The following IREB2 variants were observed in gnomAD, a reference collection of about 807,000 sequenced individuals.
IREB2 encodes the protein iron responsive element binding protein 2.
In IREB2, 39 loss-of-function variants were observed where a neutral mutation model predicts 118.8. The observed-to-expected ratio is 0.33, with a 90% CI of 0.25 to 0.43. The LOEUF is 0.43. IREB2 is among the 20% of genes least tolerant of loss of function. The pLI, the probability that IREB2 is intolerant of heterozygous loss-of-function variation, is 1.00. For missense variants in IREB2, 900 were observed against 1,147.3 expected, an observed-to-expected ratio of 0.78 and a Z score of 3.11; for synonymous variants, 372 against 392.2, an observed-to-expected ratio of 0.95 and a Z score of 0.61.
At position 78,488,728 on chromosome 15, in the gene IREB2, A is replaced by G. The variant is rs753394122; in HGVS notation, c.2033A>G (p.His678Arg). The change falls in exon 16 of 22, where the codon CAT (histidine) becomes CGT (arginine). Residue 678 changes from histidine to arginine, a missense_variant. Transcript: ENST00000258886. ...GAAGTTCATCGAGTAGAGGAAGAAC[A>G]TGTTATACTATCCATGTTTAAAGCA... ...REEVHRVEEE[H>R]VILSMFKALK... is the part of the protein sequence containing the mutation. 3.9e-5 allele frequency: 61 copies of G among 1,567,314 alleles called. No homozygotes were observed. The South Asian group carries it at 5.0e-4, about 13-fold the overall frequency.
chr15:78,482,892 C>T (rs142212106), intron 10 of IREB2, among the ~76,000 whole-genome samples: 1,648 of 152,136 alleles, frequency 0.011, 39 homozygotes, highest in African/African-American at 0.038. Context: ...GGACTACAGG[C>T]GCCCACCACC....
chr15:78,495,108 T>A (rs2051818790), intron 20 of IREB2, among the ~76,000 whole-genome samples: 1 of 152,314 alleles, frequency 6.6e-6, no homozygotes, highest in East Asian at 1.9e-4. Flanking sequence ...TTTTGCCATT[T>A]CATACTCACA....
At chr15:78,467,225 A>AAG (rs5813919) in intron 5 of IREB2, among the ~76,000 whole-genome samples, 1 of 151,390 alleles carries the variant, frequency 6.6e-6, no homozygotes, top group Non-Finnish European at 1.5e-5. Flanking sequence ...AAAAAAAAAA[A>AAG]GAGCCGTATG....
At chr15:78,473,639 C>T (rs990814810) in intron 8 of IREB2, 1 of 378,426 alleles carries the variant, frequency 2.6e-6, no homozygotes, top group Non-Finnish European at 4.8e-6. Flanking sequence ...GATACTATTA[C>T]TATTCTCATT....
intron 12 of IREB2, 37 bp from the exon 13 acceptor site, chr15:78,485,668 C>T: frequency 6.3e-7 from 1 of 1,598,090 alleles, no homozygotes; most frequent in Non-Finnish European, 8.5e-7. Context: ...GGGAAAGAAA[C>T]ATTGCCATAA....
chr15:78,441,624 T>G (rs1309267158), intron 2 of IREB2, among the ~76,000 whole-genome samples: 2 of 152,146 alleles, frequency 1.3e-5, no homozygotes, highest in Middle Eastern at 3.2e-3. Flanking sequence ...TTTCTCAAAT[T>G]TAAGGAATCA....
chr15:78,494,322 TG>T (rs1214348219), intron 20 of IREB2, 58 bp downstream of exon 20: 4 of 1,529,262 alleles, frequency 2.6e-6, no homozygotes, highest in African/African-American at 1.4e-5. Flanking sequence ...TGTTCCCTTT[TG>T]TCAGTAACAT....
chr15:78,485,552 A>G (rs78340017), intron 12 of IREB2, among the ~76,000 whole-genome samples, 153 bp from the exon 13 acceptor site: 2,022 of 152,376 alleles, frequency 0.013, 65 homozygotes, highest in African/African-American at 0.046. Context: ...AATGAAGCAA[A>G]TCAGTAGAAT....
At chr15:78,446,555 T>C (rs1054866565) in intron 2 of IREB2, among the ~76,000 whole-genome samples, 1 of 152,204 alleles carries the variant, frequency 6.6e-6, no homozygotes, top group African/African-American at 2.4e-5. Flanking sequence ...GTTCCACTCT[T>C]CTGCTTCCTC....
intron 18 of IREB2, 86 bp downstream of exon 18, chr15:78,490,847 C>G (rs2051739117): frequency 1.6e-6 from 2 of 1,231,302 alleles, no homozygotes; most frequent in Admixed American, 4.1e-5. Flanking sequence ...TCCTTTTTTC[C>G]AGTAAATACA....
intron 9 of IREB2, among the ~76,000 whole-genome samples, chr15:78,477,244 C>G (rs975847008): frequency 1.8e-4 from 27 of 152,108 alleles, no homozygotes; most frequent in African/African-American, 6.5e-4. Flanking sequence ...AACAAATTAT[C>G]CTAAAATTTA....
intron 18 of IREB2, among the ~76,000 whole-genome samples, chr15:78,493,365 A>G (rs1056088990): frequency 1.3e-5 from 2 of 152,164 alleles, no homozygotes; most frequent in South Asian, 4.1e-4. Flanking sequence ...TCGTATTTGC[A>G]GTTTTCTGCA....
chr15:78,479,837 C>T (rs2051535748), intron 10 of IREB2, among the ~76,000 whole-genome samples: 1 of 151,240 alleles, frequency 6.6e-6, no homozygotes, highest in Non-Finnish European at 1.5e-5. Context: ...GGGACGATGG[C>T]TTGAGCCCAG....
intron 2 of IREB2, among the ~76,000 whole-genome samples, chr15:78,454,811 A>T (rs887301645): frequency 1.3e-5 from 2 of 152,178 alleles, no homozygotes; most frequent in Admixed American, 6.5e-5. Context: ...CTCCCGCTTC[A>T]GCCTCGTTAG....
At position 78,469,167 on chromosome 15, in the gene IREB2, A is replaced by C. The variant is rs537684672; in HGVS notation, c.630-1365A>C. Among the ~76,000 whole-genome samples the C allele has an allele frequency of 3.9e-5, 6 of 152,302 alleles. No individual in the cohort carries two copies. The South Asian group carries it at 1.2e-3, about 32-fold the overall frequency. On this transcript the variant is annotated intron_variant, in intron 5 of 21. Coordinates refer to ENST00000258886, the MANE Select transcript of IREB2 (RefSeq NM_004136.4). ...CTTTTAATGTGTCAGTGAAGTATTA[A>C]TTATTGACTTAAGAAGTTGAGTAGA... is the stretch of plus-strand genomic sequence containing the variant.
At position 78,490,588 on chromosome 15, in the gene IREB2, G is replaced by C. The variant is rs1409620219; in HGVS notation, c.2182-31G>C. On this transcript the variant is annotated intron_variant, in intron 17 of 21. Transcript: ENST00000258886. Reference sequence around the variant, plus strand: ...GTTATAAACTAAGAAGTCTTGTAAAGAGTTAAATGCCTTGAACTTTTACCT... The same window carrying C: ...GTTATAAACTAAGAAGTCTTGTAAACAGTTAAATGCCTTGAACTTTTACCT... The C allele has an allele frequency of 1.9e-6, 3 of 1,611,752 alleles. No homozygotes were observed. The East Asian group carries it at 6.7e-5, about 36-fold the overall frequency.
chr15:78,437,458 A>G (rs1367081379), upstream of IREB2: 2 of 152,466 alleles, frequency 1.3e-5, no homozygotes, highest in African/African-American at 4.8e-5. Context: ...CAAGATTGAG[A>G]TATGTGAGAT....
chr15:78,455,514 G>A (rs1206967958), intron 2 of IREB2, among the ~76,000 whole-genome samples: 1 of 151,568 alleles, frequency 6.6e-6, no homozygotes, highest in African/African-American at 2.4e-5. Context: ...AGGATTGCTC[G>A]AGGCCAGAAG....
intron 5 of IREB2, among the ~76,000 whole-genome samples, chr15:78,468,545 T>C (rs952937380): frequency 1.3e-5 from 2 of 151,788 alleles, no homozygotes; most frequent in Non-Finnish European, 2.9e-5. Context: ...CACCTGGCTT[T>C]TTTTTTTTTT....
Sources: gnomAD v4.1 joint callset for allele counts (sites outside exome capture counted in the v4.1 genomes callset) on GRCh38, gnomAD v4.1.1 for gene constraint, MANE v1.5 for transcripts, NCBI Gene and HGNC (gene_info 2026-07-23, HGNC 2026-07-21) for gene names.